Variants in RPS6KB1 observed in about 807,000 individuals in gnomAD.
The protein encoded by RPS6KB1 is ribosomal protein S6 kinase beta-1.
RPS6KB1 carries 12 observed loss-of-function variants against 70.2 expected under a neutral mutation model. The ratio of observed to expected loss-of-function variants is 0.17; its 90% CI spans 0.11 to 0.28. RPS6KB1 has a LOEUF of 0.28. Ranked by LOEUF, RPS6KB1 falls within the 10% of genes least tolerant of loss-of-function variation. The pLI is 1.00. For missense variants in RPS6KB1, 270 were observed against 646.6 expected, an observed-to-expected ratio of 0.42 and a Z score of 6.32; for synonymous variants, 175 against 211.2, an observed-to-expected ratio of 0.83 and a Z score of 1.49.
At chr17:59,924,811 TTTTA>T (rs200181363) in intron 4 of RPS6KB1, among the ~76,000 whole-genome samples, 6 of 148,710 alleles carry the variant, frequency 4.0e-5, no homozygotes, top group South Asian at 2.1e-4. Flanking sequence ...CTTATTTTTA[TTTTA>T]TTTATTTATT....
At chr17:59,895,880 GC>G (rs1334668152) in intron 1 of RPS6KB1, among the ~76,000 whole-genome samples, 5 of 152,156 alleles carry the variant, frequency 3.3e-5, no homozygotes, top group Non-Finnish European at 7.3e-5. Context: ...CAATCTGCCA[GC>G]CTTGGCCTCT....
At chr17:59,930,003 T>C in intron 5 of RPS6KB1, 114 bp from the exon 6 acceptor site, 1 of 650,388 alleles carries the variant, frequency 1.5e-6, no homozygotes, top group Non-Finnish European at 2.7e-6. Flanking sequence ...TTTTCATTTT[T>C]AAGGGGCTGA....
At chr17:59,931,428 A>G (rs1442882664) in intron 6 of RPS6KB1, 194 bp from the exon 7 acceptor site, 1 of 562,934 alleles carries the variant, frequency 1.8e-6, no homozygotes, top group Non-Finnish European at 3.2e-6. Flanking sequence ...AGTTTCACTA[A>G]AATGAGTGAA....
intron 7 of RPS6KB1, among the ~76,000 whole-genome samples, 172 bp downstream of exon 7, chr17:59,931,894 G>A (rs1400885303): frequency 1.3e-5 from 2 of 152,072 alleles, no homozygotes; most frequent in Non-Finnish European, 2.9e-5. Context: ...AGGTAATTAC[G>A]CTTGGTGAGA....
chr17:59,915,270 T>A (rs2042874850), intron 4 of RPS6KB1, among the ~76,000 whole-genome samples: 1 of 151,516 alleles, frequency 6.6e-6, no homozygotes, highest in Non-Finnish European at 1.5e-5. Flanking sequence ...ATTACAGGCA[T>A]GAGCCACCGC....
intron 4 of RPS6KB1, among the ~76,000 whole-genome samples, chr17:59,915,773 A>ATGTT (rs1157185738): frequency 4.6e-5 from 4 of 86,220 alleles, no homozygotes; most frequent in African/African-American, 2.7e-4. Context: ...GCCTACTGCT[A>ATGTT]TCTTTTTTTT....
At chr17:59,912,853 G>A (rs1417219297) in intron 3 of RPS6KB1, 49 bp downstream of exon 3, 1 of 1,588,982 alleles carries the variant, frequency 6.3e-7, no homozygotes, top group Non-Finnish European at 8.6e-7. Flanking sequence ...TGAATAGATT[G>A]ATTTTTATGC....
At position 59,946,941 on chromosome 17, in the gene RPS6KB1, T is replaced by A. The variant is rs1283339387; in HGVS notation, c.*153T>A. On this transcript the variant is annotated 3_prime_UTR_variant, in exon 15 of 15. Coordinates refer to ENST00000225577, the MANE Select transcript of RPS6KB1 (RefSeq NM_003161.4). This position sits in a 1 kb window ranked among gnomAD's most constrained non-coding sequence, Gnocchi z 4.2. Reference sequence around the variant, plus strand: ...ACACAGGAAAAATAAACGTGGATTTTAAAAAATCAATCAATGGTGCAAAAA... The same window carrying A: ...ACACAGGAAAAATAAACGTGGATTTAAAAAAATCAATCAATGGTGCAAAAA... 1 of 1,470,472 alleles carries A rather than the reference T, an allele frequency of 6.8e-7. No homozygotes were observed. 91.1% of individuals were successfully genotyped at this position (1,470,472 alleles called of 1,614,324 possible). A position where few individuals can be genotyped will look rare whatever the true frequency, so the allele number is the denominator to read the frequency against.
chr17:59,933,396 T>C (rs2144977908), intron 7 of RPS6KB1, among the ~76,000 whole-genome samples: 1 of 152,230 alleles, frequency 6.6e-6, no homozygotes, highest in South Asian at 2.1e-4. Context: ...GTGTATCAGA[T>C]GGTTCTGTGA....
intron 2 of RPS6KB1, among the ~76,000 whole-genome samples, chr17:59,910,818 G>T (rs950540304): frequency 1.3e-5 from 2 of 152,188 alleles, no homozygotes; most frequent in African/African-American, 2.4e-5. Flanking sequence ...TTGAGGAAAA[G>T]ATATTAATTC....
intron 4 of RPS6KB1, among the ~76,000 whole-genome samples, chr17:59,918,378 TA>T (rs1255356613): frequency 1.3e-5 from 2 of 151,944 alleles, no homozygotes; most frequent in African/African-American, 4.8e-5. Flanking sequence ...TGTTTATTAT[TA>T]TTTTTTTGAG....
chr17:59,944,070 C>G (rs2044779965), intron 13 of RPS6KB1, among the ~76,000 whole-genome samples: 1 of 152,002 alleles, frequency 6.6e-6, no homozygotes, highest in Non-Finnish European at 1.5e-5. Flanking sequence ...AAGGCACAGC[C>G]TGTACCTCTT....
At chr17:59,897,624 A>G (rs752528340) in intron 1 of RPS6KB1, among the ~76,000 whole-genome samples, 22 of 152,188 alleles carry the variant, frequency 1.4e-4, no homozygotes, top group Non-Finnish European at 3.1e-4. Flanking sequence ...ATGAGACTAA[A>G]TGATACATTT....
rs1464080906 is a variant in RPS6KB1 at position 59,950,422 on chromosome 17, A to G, written c.*3634A>G. ...AAATTAAATGCAAATTTGAATGAAC[A>G]TAAATAGAAGTGATTTATTTTTTTA... On this transcript the variant is annotated 3_prime_UTR_variant, in exon 15 of 15. Transcript: ENST00000225577. The G allele has an allele frequency of 6.6e-6, 1 of 152,640 alleles. No homozygotes were observed. The highest frequency in any genetic ancestry group is 1.5e-5 in the Non-Finnish European group (1 of 67,998). 9.5% of individuals were successfully genotyped at this position (152,640 alleles called of 1,614,324 possible).
At chr17:59,928,557 C>T (rs1356077853) in intron 5 of RPS6KB1, among the ~76,000 whole-genome samples, 1 of 151,996 alleles carries the variant, frequency 6.6e-6, no homozygotes, top group Non-Finnish European at 1.5e-5. Context: ...ACCATGTTGG[C>T]CAGGCTGGTC....
At chr17:59,945,002 A>G (rs2044839412) in intron 13 of RPS6KB1, among the ~76,000 whole-genome samples, 1 of 151,940 alleles carries the variant, frequency 6.6e-6, no homozygotes, top group Non-Finnish European at 1.5e-5. Flanking sequence ...GTGTTTCACC[A>G]CATTGGCCAG....
chr17:59,924,436 G>A (rs1311718127), intron 4 of RPS6KB1, among the ~76,000 whole-genome samples: 2 of 152,036 alleles, frequency 1.3e-5, no homozygotes, highest in East Asian at 3.8e-4. Flanking sequence ...GTATTCAGTT[G>A]TACTTCCTAC....
intron 4 of RPS6KB1, among the ~76,000 whole-genome samples, chr17:59,916,283 T>C (rs905213897): frequency 2.0e-5 from 3 of 151,948 alleles, no homozygotes; most frequent in Non-Finnish European, 4.4e-5. Context: ...GTATTTTTAG[T>C]AGAGATGCGG....
intron 1 of RPS6KB1, among the ~76,000 whole-genome samples, chr17:59,909,816 A>G (rs1164005373): frequency 1.3e-5 from 2 of 151,932 alleles, no homozygotes; most frequent in African/African-American, 2.4e-5. Flanking sequence ...GATCAAGACC[A>G]TCCTGGCTAA....
Sources: allele counts gnomAD v4.1 joint callset (sites outside exome capture counted in the v4.1 genomes callset), GRCh38; gene constraint gnomAD v4.1.1; non-coding constraint Gnocchi (gnomAD v3.1); transcripts MANE v1.5; gene names NCBI Gene and HGNC (gene_info 2026-07-23, HGNC 2026-07-21).